SRP72: variants seen among roughly 807,000 people sequenced by gnomAD.
SRP72 encodes signal recognition particle subunit SRP72.
SRP72 carries 49 observed loss-of-function variants against 96.3 expected under a neutral mutation model. That is an observed-to-expected ratio of 0.51 (90% CI 0.40 to 0.65). The LOEUF (loss-of-function observed/expected upper bound fraction) is 0.65. Ranked by LOEUF, SRP72 falls within the 30% of genes least tolerant of loss-of-function variation. SRP72 has a pLI of 0.00. For missense variants in SRP72, 736 were observed against 793.3 expected, an observed-to-expected ratio of 0.93 and a Z score of 0.87; for synonymous variants, 267 against 275.2, an observed-to-expected ratio of 0.97 and a Z score of 0.30.
intron 16 of SRP72, among the ~76,000 whole-genome samples, chr4:56,494,443 C>T (rs1365733189): frequency 1.4e-5 from 2 of 146,262 alleles, no homozygotes; most frequent in African/African-American, 5.1e-5. Context: ...CTTGCTCCAT[C>T]GCTCAGGCTG....
chr4:56,489,045 G>A (rs181583573), intron 12 of SRP72: 215 of 170,894 alleles, frequency 1.3e-3, no homozygotes, highest in African/African-American at 4.9e-3. Flanking sequence ...CTCTATGTAT[G>A]CCTCACTGAT....
In SRP72 at chr4:56,491,574, A is replaced by G. The variant is rs768691036; in HGVS notation, c.1640+6A>G. 1 of 1,611,312 alleles carries G rather than the reference A, an allele frequency of 6.2e-7. No homozygotes were observed. The highest frequency in any genetic ancestry group is 1.1e-5 in the South Asian group (1 of 90,732). ...AGTCAACCAAAGGAACAAGGGTAAT[A>G]TTTTTCATTGTAACGTTCTCTAATG... On this transcript the variant is annotated splice_donor_region_variant and intron_variant, in intron 16 of 18. Coordinates refer to ENST00000642900, the MANE Select transcript of SRP72 (RefSeq NM_006947.4).
chr4:56,498,741 C>G (rs1162832489), intron 17 of SRP72, among the ~76,000 whole-genome samples: 1 of 152,162 alleles, frequency 6.6e-6, no homozygotes, highest in Non-Finnish European at 1.5e-5. Flanking sequence ...TCAAGGAGAA[C>G]TACAAACCAC....
intron 6 of SRP72, among the ~76,000 whole-genome samples, chr4:56,478,153 T>TA (rs1560678351): frequency 1.8e-4 from 27 of 148,484 alleles, no homozygotes; most frequent in Admixed American, 4.1e-4. Context: ...TTTTGCCTTT[T>TA]CTTTTTTTTT....
At chr4:56,479,670 A>G (rs1278969101) in intron 8 of SRP72, among the ~76,000 whole-genome samples, 3 of 151,528 alleles carry the variant, frequency 2.0e-5, no homozygotes, top group African/African-American at 7.3e-5. Context: ...TTGTAGAGAC[A>G]GAGTCTTGCC....
chr4:56,476,739 C>A, intron 6 of SRP72, 37 bp downstream of exon 6: 1 of 1,599,580 alleles, frequency 6.3e-7, no homozygotes. Context: ...AAATTTTACA[C>A]TTCTGACTAT....
chr4:56,502,481 A>G lies in SRP72; in HGVS notation c.*620A>G, dbSNP rs1721295934. 1 of 102,198 alleles carries G rather than the reference A, an allele frequency of 9.8e-6. No homozygotes were observed. The highest frequency in any genetic ancestry group is 1.1e-4 in the Admixed American group (1 of 9,444). 6.3% of individuals were successfully genotyped at this position (102,198 alleles called of 1,614,324 possible). A position where few individuals can be genotyped will look rare whatever the true frequency, so the allele number is the denominator to read the frequency against. ...TTTTCATGTTTATATATATATATATATGTATATATATATACATATATATAT... is the reference window on the plus strand; with the variant it reads ...TTTTCATGTTTATATATATATATATGTGTATATATATATACATATATATAT... On this transcript the variant is annotated 3_prime_UTR_variant, in exon 19 of 19. Coordinates refer to ENST00000642900, the MANE Select transcript of SRP72 (RefSeq NM_006947.4).
intron 5 of SRP72, 59 bp downstream of exon 5, chr4:56,474,450 C>T (rs749396818): frequency 2.1e-5 from 30 of 1,408,926 alleles, no homozygotes; most frequent in South Asian, 6.4e-5. Flanking sequence ...TGTAGAGTAT[C>T]TTCTAAAATT....
intron 4 of SRP72, 22 bp downstream of exon 4, chr4:56,474,219 C>T: frequency 6.2e-7 from 1 of 1,613,754 alleles, no homozygotes; most frequent in Non-Finnish European, 8.5e-7. Context: ...TGTGGTGTAC[C>T]CATACAGTCA....
At position 56,490,794 on chromosome 4, in the gene SRP72, T is replaced by C. The variant is rs1003156540; in HGVS notation, c.1502+149T>C. The C allele has an allele frequency of 1.1e-5, 7 of 658,312 alleles. No individual in the cohort carries two copies. The African/African-American group carries it at 1.1e-4, about 10-fold the overall frequency. The allele number at this position is 658,312 out of a possible 1,614,324, so 40.8% of individuals were successfully genotyped here. On this transcript the variant is annotated intron_variant, in intron 15 of 18. Coordinates refer to ENST00000642900, the MANE Select transcript of SRP72 (RefSeq NM_006947.4). ...GTAAAACCAAAAAATGAGAATTTAT[T>C]GATCAGTGTGACTGAAAAATGCGGC...
In SRP72 at chr4:56,467,671, T is replaced by G. The variant is rs757035930; in HGVS notation, c.36T>G (p.Pro12=). The change falls in exon 1 of 19, where the codon CCT becomes CCG. Residue 12 remains proline (P), a synonymous_variant. Coordinates refer to ENST00000642900, the MANE Select transcript of SRP72 (RefSeq NM_006947.4). The stretch of plus-strand genomic sequence containing the variant: ...GCGGCAGCGGGGGGGTGTCAGTACC[T>G]GCGCTGTGGAGTGAAGTGAACCGGT... ...ASGGSGGVSV[P]ALWSEVNRYG... is the part of the protein sequence containing the mutation. The G allele has an allele frequency of 6.4e-7, 1 of 1,561,908 alleles. No homozygotes were observed. The highest frequency in any genetic ancestry group is 1.4e-5 in the African/African-American group (1 of 71,292).
chr4:56,471,324 T>A (rs1239142763), intron 2 of SRP72, among the ~76,000 whole-genome samples: 1 of 152,256 alleles, frequency 6.6e-6, no homozygotes, highest in Non-Finnish European at 1.5e-5. Flanking sequence ...CATTTGTTTC[T>A]TAAACAAGTT....
chr4:56,499,461 A>G (rs950692209), intron 17 of SRP72, among the ~76,000 whole-genome samples: 2 of 152,200 alleles, frequency 1.3e-5, no homozygotes, highest in Non-Finnish European at 2.9e-5. Context: ...AATGGGAGAA[A>G]ATTTTTGCAG....
chr4:56,474,336 A>G lies in SRP72; in HGVS notation c.555A>G (p.Ala185=), dbSNP rs749519720. 3 of 1,614,070 alleles carry G rather than the reference A, an allele frequency of 1.9e-6. No individual in the cohort carries two copies. The highest frequency in any genetic ancestry group is 2.7e-5 in the African/African-American group (2 of 74,934). The change falls in exon 5 of 19, where the codon GCA becomes GCG. Residue 185 remains alanine, a synonymous_variant. Transcript: ENST00000642900. ...AGCTGTGCTACAACACTGCATGTGC[A>G]CTGATAGGCCAAGGCCAGCTGAACC... ...THELCYNTAC[A]LIGQGQLNQA... is the part of the protein sequence containing the mutation.
chr4:56,474,427 G>C, intron 5 of SRP72, 36 bp downstream of exon 5: 3 of 1,552,374 alleles, frequency 1.9e-6, no homozygotes, highest in Non-Finnish European at 2.6e-6. Flanking sequence ...TAAATATAAC[G>C]TGCATATAAC....
intron 17 of SRP72, 29 bp from the exon 18 acceptor site, chr4:56,500,505 CAT>C (rs1167165888): frequency 1.9e-6 from 3 of 1,600,092 alleles, no homozygotes; most frequent in African/African-American, 2.7e-5. Flanking sequence ...TATTATGACA[CAT>C]CTCTCATTTC....
chr4:56,486,178 T>G, intron 10 of SRP72, 147 bp from the exon 11 acceptor site: 1 of 552,714 alleles, frequency 1.8e-6, no homozygotes. Context: ...GAATAAAAAT[T>G]TCCCCAAGTT....
intron 17 of SRP72, among the ~76,000 whole-genome samples, chr4:56,499,639 G>C (rs1188032146): frequency 6.6e-6 from 1 of 152,182 alleles, no homozygotes; most frequent in African/African-American, 2.4e-5. Context: ...GGTGATTAGA[G>C]AAATGCAAAT....
In SRP72 at chr4:56,491,480, G is replaced by A. The variant is rs1245879506; in HGVS notation, c.1552G>A (p.Val518Ile). The A allele has an allele frequency of 1.4e-5, 23 of 1,613,990 alleles. No individual in the cohort carries two copies. The highest frequency in any genetic ancestry group is 1.9e-5 in the Non-Finnish European group (22 of 1,179,928). Residue 518 changes from valine to isoleucine, a missense_variant, in exon 16 of 19, where the codon GTT becomes ATT. Physicochemically the swap from Val to Ile is conservative, Grantham distance 29 (BLOSUM62 3). This residue lies in a region of SRP72 where 388 missense variants were observed against 431.8 expected (regional missense o/e 0.90). Transcript: ENST00000642900. ...AGATAGTATGTCTCTAAAAGTAGAT[G>A]TTGAGGCTCTTGAAAATTCTGCTGG... ...SSDSMSLKVD[V>I]EALENSAGAT...
Sources: gnomAD v4.1 joint callset for allele counts (sites outside exome capture counted in the v4.1 genomes callset) on GRCh38, gnomAD v4.1.1 for gene constraint, gnomAD v4.1.1 regional missense constraint, MANE v1.5 for transcripts, NCBI Gene and HGNC (gene_info 2026-07-23, HGNC 2026-07-21) for gene names.